TMEFF2: variants seen among roughly 807,000 people sequenced by gnomAD.
The protein encoded by TMEFF2 is transmembrane protein with EGF like and two follistatin like domains 2.
In TMEFF2, 28 loss-of-function variants were observed where a neutral mutation model predicts 53.8. That is an observed-to-expected ratio of 0.52 (90% CI 0.39 to 0.71). The LOEUF is 0.71. TMEFF2 is among the 30% of genes least tolerant of loss of function. The pLI is 0.00. For missense variants in TMEFF2, 353 were observed against 455.2 expected, an observed-to-expected ratio of 0.78 and a Z score of 2.04; for synonymous variants, 162 against 166.3, an observed-to-expected ratio of 0.97 and a Z score of 0.20.
chr2:191,950,485 T>C (rs1691841748), intron 9 of TMEFF2, 78 bp from the exon 10 acceptor site: 3 of 1,564,368 alleles, frequency 1.9e-6, no homozygotes, highest in East Asian at 4.5e-5. Context: ...AGAATAAAGA[T>C]GTGGATTAAG....
At chr2:192,022,478 A>G (rs1235761717) in intron 5 of TMEFF2, among the ~76,000 whole-genome samples, 8 of 152,190 alleles carry the variant, frequency 5.3e-5, no homozygotes, top group Non-Finnish European at 8.8e-5. Context: ...TTACTTTAGC[A>G]GCTCTCACAA....
intron 4 of TMEFF2, among the ~76,000 whole-genome samples, chr2:192,097,734 ATATTTT>A (rs1403250695): frequency 2.6e-5 from 4 of 152,160 alleles, no homozygotes; most frequent in East Asian, 1.9e-4. Context: ...TAAGGTCTTT[ATATTTT>A]TATTTTTAAT....
intron 5 of TMEFF2, among the ~76,000 whole-genome samples, chr2:192,009,857 A>T (rs1379323028): frequency 1.3e-5 from 2 of 152,178 alleles, no homozygotes; most frequent in Non-Finnish European, 1.5e-5. Flanking sequence ...CAAGTATTAT[A>T]TTACTTTTAA....
intron 4 of TMEFF2, among the ~76,000 whole-genome samples, chr2:192,111,237 G>T (rs1248517823): frequency 6.6e-6 from 1 of 152,136 alleles, no homozygotes; most frequent in African/African-American, 2.4e-5. Context: ...ACAAAAATGT[G>T]GGAAAGTTTG....
At chr2:192,176,368 T>G (rs769239399) in intron 4 of TMEFF2, among the ~76,000 whole-genome samples, 1 of 151,388 alleles carries the variant, frequency 6.6e-6, no homozygotes, top group Non-Finnish European at 1.5e-5. Context: ...GGTCCTATGT[T>G]CAAAACTAAT....
chr2:192,184,254 T>C, intron 3 of TMEFF2, 100 bp downstream of exon 3: 2 of 1,425,066 alleles, frequency 1.4e-6, no homozygotes, highest in African/African-American at 1.4e-5. Context: ...CTAGTCAACA[T>C]ATAATCTGAA....
intron 5 of TMEFF2, among the ~76,000 whole-genome samples, chr2:192,057,414 C>G (rs1448443553): frequency 1.3e-5 from 2 of 151,784 alleles, no homozygotes; most frequent in Non-Finnish European, 2.9e-5. Context: ...TTTTTTTTCC[C>G]TCTATATCCT....
intron 4 of TMEFF2, among the ~76,000 whole-genome samples, chr2:192,117,585 A>T (rs1330369072): frequency 6.6e-6 from 1 of 151,976 alleles, no homozygotes; most frequent in East Asian, 1.9e-4. Flanking sequence ...GCTTCCTAGA[A>T]CTCCAAACTC....
intron 7 of TMEFF2, among the ~76,000 whole-genome samples, chr2:191,970,435 G>A (rs997936268): frequency 4.6e-5 from 7 of 151,862 alleles, no homozygotes; most frequent in South Asian, 2.1e-4. Context: ...GTCCTCAAGA[G>A]GAAGGGCAAG....
At chr2:192,068,284 G>A (rs1248280787) in intron 4 of TMEFF2, among the ~76,000 whole-genome samples, 1 of 151,876 alleles carries the variant, frequency 6.6e-6, no homozygotes, top group Non-Finnish European at 1.5e-5. Flanking sequence ...CAAGTAAGAT[G>A]GTTCTTTGAA....
intron 5 of TMEFF2, among the ~76,000 whole-genome samples, chr2:192,054,166 A>G (rs1411582007): frequency 1.3e-5 from 2 of 150,950 alleles, no homozygotes. Context: ...TCTTGTCCCT[A>G]TGCTGGGGGC....
At position 192,074,521 on chromosome 2, in the gene TMEFF2, C is replaced by A. The variant is rs75198954; in HGVS notation, c.440-16746G>T. Among the ~76,000 whole-genome samples the A allele has an allele frequency of 8.8e-3, 1,341 of 151,818 alleles. 49 individuals are homozygous for A. Among genetic ancestry groups the A allele is most frequent in the Admixed American group, 0.056 (860 of 15,230 alleles). On this transcript the variant is annotated intron_variant, in intron 4 of 9. Transcript: ENST00000272771. ...GTGTTTTAAATTACTATTATTAAAA[C>A]AAAACAAGTCTTTTAAAAAATGGAA...
At chr2:191,993,954 CTTAT>C (rs1032079349) in intron 7 of TMEFF2, among the ~76,000 whole-genome samples, 2 of 152,012 alleles carry the variant, frequency 1.3e-5, no homozygotes, top group African/African-American at 4.8e-5. Flanking sequence ...TGTCTCTGAA[CTTAT>C]TTTTTATTTT....
intron 4 of TMEFF2, among the ~76,000 whole-genome samples, chr2:192,125,841 T>C (rs1202143605): frequency 6.6e-6 from 1 of 152,098 alleles, no homozygotes; most frequent in African/African-American, 2.4e-5. Context: ...CGTGGACACA[T>C]GTTGGGAAAC....
intron 4 of TMEFF2, among the ~76,000 whole-genome samples, chr2:192,101,462 A>T (rs575250496): frequency 1.3e-5 from 2 of 152,216 alleles, no homozygotes; most frequent in African/African-American, 2.4e-5. Flanking sequence ...TTAACTTTTT[A>T]AAATTCATAT....
chr2:192,004,259 C>T (rs1574284019), intron 5 of TMEFF2, among the ~76,000 whole-genome samples: 1 of 152,116 alleles, frequency 6.6e-6, no homozygotes, highest in East Asian at 1.9e-4. Context: ...TCACTGTCCT[C>T]CTTTTATTTG....
intron 4 of TMEFF2, among the ~76,000 whole-genome samples, chr2:192,096,668 C>CTCTT (rs1688914012): frequency 1.3e-4 from 6 of 45,828 alleles, no homozygotes; most frequent in South Asian, 1.6e-3. Flanking sequence ...CTCTCTCTCT[C>CTCTT]TCTTTTTTTT....
intron 4 of TMEFF2, among the ~76,000 whole-genome samples, chr2:192,096,568 T>C (rs1688909155): frequency 1.3e-5 from 2 of 151,928 alleles, no homozygotes; most frequent in South Asian, 4.1e-4. Context: ...ATTTCAGTCT[T>C]TGTAAAATTA....
chr2:191,996,979 AAAAT>A (rs1446744686), intron 7 of TMEFF2, among the ~76,000 whole-genome samples: 6 of 152,004 alleles, frequency 3.9e-5, no homozygotes, highest in Non-Finnish European at 5.9e-5. Flanking sequence ...AACAAAAAGT[AAAAT>A]AAATAAATAA....
Sources: allele counts gnomAD v4.1 joint callset (sites outside exome capture counted in the v4.1 genomes callset), GRCh38; gene constraint gnomAD v4.1.1; transcripts MANE v1.5; gene names NCBI Gene and HGNC (gene_info 2026-07-23, HGNC 2026-07-21).